SH2D1A: variants seen among roughly 807,000 people sequenced by gnomAD.
The protein encoded by SH2D1A is SH2 domain-containing protein 1A.
Under a neutral mutation model 10.1 loss-of-function variants are expected in SH2D1A, and 6 were observed. The ratio of observed to expected loss-of-function variants is 0.60; its 90% CI spans 0.33 to 1.18. SH2D1A has a LOEUF of 1.18. Ranked by LOEUF, SH2D1A falls within the 50% of genes most tolerant of loss-of-function variation. The pLI, the probability that SH2D1A is intolerant of heterozygous loss-of-function variation, is 0.04. For synonymous variants in SH2D1A, 42 were observed against 36.9 expected (o/e 1.14, Z -0.51); for missense variants, 51 against 97.6 (o/e 0.52, Z 2.01).
Position 124,351,029 on chromosome X carries a change from A to C in SH2D1A, c.137+4250A>C, listed in dbSNP as rs200330858. ...ATGTATATTTTTATATATTATTATA[A>C]ATATATATATTTTATATATATTATT... On this transcript the variant is annotated intron_variant, in intron 1 of 3. Transcript: ENST00000371139. Among the ~76,000 whole-genome samples, 133 of 89,207 alleles carry C rather than the reference A, an allele frequency of 1.5e-3. 4 individuals carry two copies. In the East Asian group the frequency reaches 0.038, roughly 26 times the overall value. The allele number at this position is 89,207 out of a possible 115,157, so 77.5% of individuals were successfully genotyped here.
chrX:124,362,818 G>A (rs1569527510), intron 1 of SH2D1A, among the ~76,000 whole-genome samples: 1 of 110,556 alleles, frequency 9.0e-6, no homozygotes, highest in Non-Finnish European at 1.9e-5. Context: ...GGAGATAGGG[G>A]GTAATTAAGG....
chrX:124,366,869 A>G (rs944052148), intron 2 of SH2D1A, among the ~76,000 whole-genome samples: 3 of 89,577 alleles, frequency 3.3e-5, no homozygotes, highest in African/African-American at 9.4e-5. Context: ...TGTAAAATAT[A>G]CTGACAAACA....
rs552195380 is a variant in SH2D1A at position 124,361,979 on chromosome X, A to G, written c.138-3782A>G. On this transcript the variant is annotated intron_variant, in intron 1 of 3. Transcript: ENST00000371139. ...GGGTGTGGCTGGACTATCTGTCACT[A>G]CTTAAGATTACTTATGATGTTAACC... Among the ~76,000 whole-genome samples the G allele has an allele frequency of 1.1e-3, 118 of 111,977 alleles. 1 individual carries two copies. In the South Asian group the frequency reaches 0.043, roughly 41 times the overall value.
intron 3 of SH2D1A, 123 bp from the exon 4 acceptor site, chrX:124,371,228 G>T (rs2060068388): frequency 2.1e-6 from 1 of 466,708 alleles, no homozygotes; most frequent in Non-Finnish European, 3.7e-6. Flanking sequence ...GTTGCTTGAG[G>T]TATATTACTG....
intron 1 of SH2D1A, 81 bp from the exon 2 acceptor site, chrX:124,365,680 T>C: frequency 1.5e-6 from 1 of 649,884 alleles, no homozygotes; most frequent in Non-Finnish European, 2.6e-6. Context: ...ATGTGACATT[T>C]ATATGTAATA....
intron 1 of SH2D1A, chrX:124,364,513 T>C: frequency 2.2e-5 from 1 of 44,969 alleles, no homozygotes; most frequent in Non-Finnish European, 4.2e-5. Flanking sequence ...AGCGATACAG[T>C]TTTTTTTTTT....
intron 1 of SH2D1A, among the ~76,000 whole-genome samples, chrX:124,352,937 C>G (rs2060018611): frequency 9.0e-6 from 1 of 111,177 alleles, no homozygotes; most frequent in Non-Finnish European, 1.9e-5. Context: ...TCGCACAGTA[C>G]GGTGACTATA....
intron 1 of SH2D1A, among the ~76,000 whole-genome samples, chrX:124,349,779 G>A (rs1381619303): frequency 9.1e-6 from 1 of 109,883 alleles, no homozygotes; most frequent in Non-Finnish European, 1.9e-5. Flanking sequence ...GCTTCATAAA[G>A]CACTAAAGGA....
chrX:124,371,157 G>C (rs1216782636), intron 3 of SH2D1A, among the ~76,000 whole-genome samples, 194 bp from the exon 4 acceptor site: 1 of 111,424 alleles, frequency 9.0e-6, no homozygotes, highest in Non-Finnish European at 1.9e-5. Flanking sequence ...TAATTTCCAA[G>C]TTGGCTAGTT....
At chrX:124,366,697 T>G (rs1267588355) in intron 2 of SH2D1A, among the ~76,000 whole-genome samples, 1 of 111,265 alleles carries the variant, frequency 9.0e-6, no homozygotes, top group Non-Finnish European at 1.9e-5. Context: ...AAACACACTT[T>G]TGCTGTATTA....
Position 124,370,335 on chromosome X carries a change from T to G in SH2D1A, c.346+15T>G. On this transcript the variant is annotated intron_variant, in intron 3 of 3. Coordinates refer to ENST00000371139, the MANE Select transcript of SH2D1A (RefSeq NM_002351.5). ...AGGTACTACAGGTATGATTTCCTCT[T>G]AATTTTTGACAGGGTTTGGAAGCTC... The G allele has an allele frequency of 8.4e-7, 1 of 1,190,621 alleles. No homozygotes were observed. Among genetic ancestry groups the G allele is most frequent in the Non-Finnish European group, 1.1e-6 (1 of 876,154 alleles).
intron 1 of SH2D1A, among the ~76,000 whole-genome samples, chrX:124,350,665 GTATATAAGATAT>G (rs2060010645): frequency 3.0e-5 from 1 of 33,645 alleles, no homozygotes; most frequent in African/African-American, 2.0e-4. Context: ...ATTATATATT[GTATATAAGATAT>G]AATATATTAT....
intron 2 of SH2D1A, among the ~76,000 whole-genome samples, chrX:124,366,876 A>ACACACAC (rs758558659): frequency 3.4e-5 from 3 of 87,089 alleles, no homozygotes; most frequent in Admixed American, 1.3e-4. Flanking sequence ...TATACTGACA[A>ACACACAC]ACACACACAC....
At chrX:124,348,809 C>CAA (rs1009690288) in intron 1 of SH2D1A, among the ~76,000 whole-genome samples, 9 of 112,222 alleles carry the variant, frequency 8.0e-5, no homozygotes, top group Non-Finnish European at 1.5e-4. Context: ...TTTGAATTAA[C>CAA]AAACTGTCAA....
At position 124,362,432 on chromosome X, in the gene SH2D1A, C is replaced by T. The variant is rs2060042147; in HGVS notation, c.138-3329C>T. ...GGAGTTTGCCTTGCTAGGTTTTGGA[C>T]TTGCTTGGGACCTGTGACCCCTTTA... On this transcript the variant is annotated intron_variant, in intron 1 of 3. Coordinates refer to ENST00000371139, the MANE Select transcript of SH2D1A (RefSeq NM_002351.5). Among the ~76,000 whole-genome samples the T allele has an allele frequency of 2.7e-5, 3 of 112,280 alleles. No homozygotes were observed. In the Admixed American group the frequency reaches 2.8e-4, roughly 11 times the overall value.
At chrX:124,359,315 G>T (rs189652183) in intron 1 of SH2D1A, among the ~76,000 whole-genome samples, 88 of 112,017 alleles carry the variant, frequency 7.9e-4, no homozygotes, top group African/African-American at 2.8e-3. Flanking sequence ...GGGAGATAGA[G>T]TCATTGTATT....
intron 1 of SH2D1A, among the ~76,000 whole-genome samples, chrX:124,356,878 G>A (rs1408359830): frequency 1.8e-5 from 2 of 112,096 alleles, no homozygotes; most frequent in Admixed American, 9.5e-5. Flanking sequence ...TGGCAAAATT[G>A]TATATATGTA....
At chrX:124,365,931 T>A in intron 2 of SH2D1A, 107 bp downstream of exon 2, 1 of 537,888 alleles carries the variant, frequency 1.9e-6, no homozygotes, top group Non-Finnish European at 3.3e-6. Context: ...TCATAAGGTT[T>A]AAATCTCTAA....
chrX:124,365,613 T>G (rs1473087364), intron 1 of SH2D1A, 148 bp from the exon 2 acceptor site: 1 of 443,138 alleles, frequency 2.3e-6, no homozygotes, highest in Non-Finnish European at 4.0e-6. Context: ...ACAAGTTAGA[T>G]TCACTATGCT....
Sources: allele counts gnomAD v4.1 joint callset (sites outside exome capture counted in the v4.1 genomes callset), GRCh38; gene constraint gnomAD v4.1.1; transcripts MANE v1.5; gene names NCBI Gene and HGNC (gene_info 2026-07-23, HGNC 2026-07-21).